The following PKP2 variants were observed in gnomAD, a reference collection of about 807,000 sequenced individuals.
PKP2 encodes the protein plakophilin 2.
In PKP2, 73 loss-of-function variants were observed where a neutral mutation model predicts 83.4. The ratio of observed to expected loss-of-function variants is 0.88; its 90% CI spans 0.72 to 1.06. The LOEUF (loss-of-function observed/expected upper bound fraction) is 1.06, where lower values mean the gene tolerates loss of function less well. Ranked by LOEUF, PKP2 falls within the 50% of genes least tolerant of loss-of-function variation. The pLI is 0.00. For synonymous variants in PKP2, 409 were observed against 430.4 expected (o/e 0.95, Z 0.62); for missense variants, 966 against 1,065.4 (o/e 0.91, Z 1.30).
At chr12:32,802,096 G>C (rs1430517792) in intron 10 of PKP2, among the ~76,000 whole-genome samples, 1 of 152,118 alleles carries the variant, frequency 6.6e-6, no homozygotes, top group Non-Finnish European at 1.5e-5. Context: ...TGGTGTGACT[G>C]AGGGTGCCAC....
chr12:32,851,329 T>G (rs899457804), intron 4 of PKP2, among the ~76,000 whole-genome samples: 4 of 152,220 alleles, frequency 2.6e-5, no homozygotes, highest in Non-Finnish European at 4.4e-5. Context: ...GAGAGTTTTT[T>G]TTATTAAATA....
At chr12:32,888,998 A>G (rs980655313) in intron 1 of PKP2, among the ~76,000 whole-genome samples, 2 of 152,168 alleles carry the variant, frequency 1.3e-5, no homozygotes, top group South Asian at 4.1e-4. Context: ...ATGTATTTTC[A>G]CAAAACTCCT....
At chr12:32,880,827 C>G (rs1387662433) in intron 1 of PKP2, among the ~76,000 whole-genome samples, 1 of 152,090 alleles carries the variant, frequency 6.6e-6, no homozygotes, top group East Asian at 1.9e-4. Context: ...AAAGGCTAAT[C>G]AAAATAATCA....
intron 10 of PKP2, among the ~76,000 whole-genome samples, chr12:32,801,464 G>C (rs1228398873): frequency 6.6e-6 from 1 of 152,176 alleles, no homozygotes; most frequent in East Asian, 1.9e-4. Context: ...TCTCTACTTA[G>C]AATGAGCATG....
chr12:32,843,001 ACAGAGT>A (rs1322597563), intron 5 of PKP2, among the ~76,000 whole-genome samples: 1 of 146,518 alleles, frequency 6.8e-6, no homozygotes, highest in African/African-American at 2.5e-5. Flanking sequence ...TTTTTTTGAG[ACAGAGT>A]CTCACTCGGT....
chr12:32,792,439 G>T lies in PKP2; in HGVS notation c.2499C>A (p.His833Gln), dbSNP rs202094467. Residue 833 changes from histidine to glutamine, a missense_variant, in exon 13 of 13, where the codon CAC (histidine) becomes CAA (glutamine). Physicochemically the swap from His to Gln is conservative, Grantham distance 24 (BLOSUM62 0). Coordinates refer to ENST00000340811, the MANE Select transcript of PKP2 (RefSeq NM_001005242.3). The part of the protein sequence containing the change: ...FVNSRTAKAY[H>Q]SLKD ...GTCATTTTCCTCAGTCTTTAAGGGA[G>T]TGGTAGGCTTTGGCAGTCCGGCTGT... is the stretch of plus-strand genomic sequence containing the variant. 94 of 1,613,246 alleles carry T rather than the reference G, an allele frequency of 5.8e-5. 1 individual carries two copies. In the South Asian group the frequency reaches 9.3e-4, roughly 16 times the overall value.
At chr12:32,822,969 G>T (rs1956396882) in intron 7 of PKP2, among the ~76,000 whole-genome samples, 1 of 152,184 alleles carries the variant, frequency 6.6e-6, no homozygotes, top group South Asian at 2.1e-4. Context: ...CCAACTAGGA[G>T]GCTATTGCAA....
chr12:32,837,411 A>C (rs1191238624), intron 6 of PKP2, among the ~76,000 whole-genome samples: 2 of 152,170 alleles, frequency 1.3e-5, no homozygotes, highest in Non-Finnish European at 2.9e-5. Context: ...AGGGAGTGCT[A>C]CTGAGAGTAA....
intron 9 of PKP2, among the ~76,000 whole-genome samples, chr12:32,811,305 G>C (rs1380927861): frequency 6.6e-6 from 1 of 152,170 alleles, no homozygotes; most frequent in South Asian, 2.1e-4. Context: ...ATTCTAGTAG[G>C]TGCTGTCTCA....
rs1393167652 is a variant in PKP2 at position 32,869,072 on chromosome 12, CA to C, written c.1035-11del. The C allele has an allele frequency of 6.8e-6, 11 of 1,613,650 alleles. No homozygotes were observed. Among genetic ancestry groups the C allele is most frequent in the South Asian group, 1.1e-5 (1 of 91,090 alleles). On this transcript the variant is annotated splice_polypyrimidine_tract_variant and intron_variant, in intron 3 of 12. Coordinates refer to ENST00000340811, the MANE Select transcript of PKP2 (RefSeq NM_001005242.3). The stretch of plus-strand genomic sequence containing the variant: ...CTCCATGTCTGCATTCCTAGACAAA[CA>C]GGCACAGATTCAGCCAGATTCCAAA...
At chr12:32,866,550 CAAAAAAAAAAAAAA>C (rs56079220) in intron 4 of PKP2, among the ~76,000 whole-genome samples, 14 of 36,208 alleles carry the variant, frequency 3.9e-4, no homozygotes, top group African/African-American at 1.9e-3. Context: ...GATCCTTTCT[CAAAAAAAAAAAAAA>C]AAAAAAAAAA....
chr12:32,888,045 G>T (rs1957045445), intron 1 of PKP2, among the ~76,000 whole-genome samples: 1 of 152,102 alleles, frequency 6.6e-6, no homozygotes, highest in African/African-American at 2.4e-5. Flanking sequence ...AGCTGGGTGT[G>T]GTGGCGTACA....
Position 32,878,992 on chromosome 12 carries a change from G to A in PKP2, c.264C>T (p.Tyr88=), listed in dbSNP as rs761588340. 1.2e-6 allele frequency: 2 copies of A among 1,606,584 alleles called. No homozygotes were observed. Among genetic ancestry groups the A allele is most frequent in the Non-Finnish European group, 1.7e-6 (2 of 1,174,868 alleles). Residue 88 remains tyrosine (Y), a synonymous_variant, in exon 2 of 13, where the codon TAC becomes TAT. Transcript: ENST00000340811. The stretch of plus-strand genomic sequence containing the variant: ...AATCATTTTCAACCAAGTGTAGGTT[G>A]TAGACATACTCAGGAACACTGCTGG... ...HRTSSVPEYV[Y]NLHLVENDFV...
intron 11 of PKP2, 24 bp from the exon 12 acceptor site, chr12:32,792,755 G>T (rs756475712): frequency 6.3e-7 from 1 of 1,590,446 alleles, no homozygotes; most frequent in African/African-American, 1.3e-5. Context: ...GACATTCTGA[G>T]ATCAGGGAGA....
At chr12:32,842,529 T>C (rs1461293702) in intron 5 of PKP2, among the ~76,000 whole-genome samples, 2 of 150,996 alleles carry the variant, frequency 1.3e-5, no homozygotes, top group Admixed American at 6.6e-5. Context: ...GCATGAGCCA[T>C]TGCCTGGCCC....
At chr12:32,865,376 G>GA (rs554773045) in intron 4 of PKP2, among the ~76,000 whole-genome samples, 1,424 of 85,302 alleles carry the variant, frequency 0.017, 27 homozygotes, top group African/African-American at 0.043. Context: ...CTCCATCTCA[G>GA]AAAAAAAAAA....
intron 5 of PKP2, among the ~76,000 whole-genome samples, chr12:32,842,354 T>C (rs1956601679): frequency 6.6e-6 from 1 of 152,132 alleles, no homozygotes; most frequent in Admixed American, 6.6e-5. Flanking sequence ...GCAATGCTCC[T>C]GCCTCAGCCT....
intron 10 of PKP2, among the ~76,000 whole-genome samples, chr12:32,797,489 A>G (rs1229358893): frequency 1.4e-5 from 2 of 148,088 alleles, no homozygotes; most frequent in East Asian, 4.1e-4. Flanking sequence ...CAAAAAACCC[A>G]CGTAAGAAAC....
intron 1 of PKP2, among the ~76,000 whole-genome samples, chr12:32,892,823 G>C (rs924403250): frequency 2.5e-5 from 3 of 122,262 alleles, no homozygotes; most frequent in Non-Finnish European, 3.6e-5. Context: ...GGGGGCGGGG[G>C]GGGGGGGAGA....
Sources: allele counts gnomAD v4.1 joint callset (sites outside exome capture counted in the v4.1 genomes callset), GRCh38; gene constraint gnomAD v4.1.1; transcripts MANE v1.5; gene names NCBI Gene and HGNC (gene_info 2026-07-23, HGNC 2026-07-21).